Variants in LRRC20 observed in about 807,000 individuals in gnomAD.
LRRC20 encodes the protein leucine-rich repeat-containing protein 20.
In LRRC20, 11 loss-of-function variants were observed where a neutral mutation model predicts 14.4. The observed-to-expected ratio is 0.77, with a 90% CI of 0.48 to 1.27. The LOEUF (loss-of-function observed/expected upper bound fraction) is 1.27. Among genes scored for constraint, LRRC20 ranks in the 50% most tolerant of loss-of-function variants. The probability of loss-of-function intolerance (pLI) is 0.00; values close to 1 mark genes in which losing one functional copy is unlikely to be tolerated. For missense variants in LRRC20, 219 were observed against 251.2 expected (o/e 0.87, Z 0.87); for synonymous variants, 121 against 107.3 (o/e 1.13, Z -0.79).
At chr10:70,331,505 T>G (rs1045324871) in intron 3 of LRRC20, among the ~76,000 whole-genome samples, 4 of 152,246 alleles carry the variant, frequency 2.6e-5, no homozygotes, top group African/African-American at 9.6e-5. Flanking sequence ...GTGTTGGGCT[T>G]CCAGCCCAAC....
chr10:70,304,995 ACCAACACAGTGAAACCCT>A (rs1469679368), intron 4 of LRRC20, among the ~76,000 whole-genome samples: 1 of 152,076 alleles, frequency 6.6e-6, no homozygotes, highest in African/African-American at 2.4e-5. Context: ...GACCAGCCTG[ACCAACACAGTGAAACCCT>A]GTCTCTACTA....
intron 2 of LRRC20, among the ~76,000 whole-genome samples, chr10:70,342,381 T>C (rs1030385861): frequency 2.6e-5 from 4 of 152,114 alleles, no homozygotes; most frequent in Non-Finnish European, 4.4e-5. Flanking sequence ...AACCACTGAA[T>C]TGTACACTTT....
intron 2 of LRRC20, among the ~76,000 whole-genome samples, chr10:70,342,977 A>G (rs955812760): frequency 3.9e-5 from 6 of 152,228 alleles, no homozygotes; most frequent in Admixed American, 1.3e-4. Context: ...GTGAAACTCA[A>G]TATTTCTATA....
At chr10:70,341,338 A>G (rs1455915535) in intron 2 of LRRC20, among the ~76,000 whole-genome samples, 1 of 152,218 alleles carries the variant, frequency 6.6e-6, no homozygotes, top group Non-Finnish European at 1.5e-5. Flanking sequence ...AACACATTAC[A>G]TGTGGATGTT....
chr10:70,326,652 C>A (rs1034349893), intron 3 of LRRC20, among the ~76,000 whole-genome samples: 1 of 152,172 alleles, frequency 6.6e-6, no homozygotes, highest in Non-Finnish European at 1.5e-5. Context: ...CCTTAAACCA[C>A]AGAACGCTGC....
At chr10:70,352,013 T>C (rs571090176) in intron 2 of LRRC20, among the ~76,000 whole-genome samples, 3 of 152,314 alleles carry the variant, frequency 2.0e-5, no homozygotes, top group Admixed American at 2.0e-4. Flanking sequence ...AAGTTAGTTA[T>C]ATTATAGGGT....
intron 2 of LRRC20, among the ~76,000 whole-genome samples, chr10:70,361,837 T>A (rs1843733294): frequency 6.6e-6 from 1 of 151,508 alleles, no homozygotes; most frequent in Admixed American, 6.6e-5. Flanking sequence ...ACGACAAAAA[T>A]AAGCACCTTA....
At position 70,367,752 on chromosome 10, in the gene LRRC20, T is replaced by C. The variant is rs142426938; in HGVS notation, c.82+8700A>G. ...GGTGATAAAAAGGTTCTGAGTCTTG[T>C]TGTGGTTGGTTATAAAAACATATGT... is the stretch of plus-strand genomic sequence containing the variant. On this transcript the variant is annotated intron_variant, in intron 2 of 4. Transcript: ENST00000446961. 9.6e-4 allele frequency among the ~76,000 whole-genome samples: 146 copies of C among 152,080 alleles called. 1 individual carries two copies. Among genetic ancestry groups the C allele is most frequent in the African/African-American group, 3.2e-3 (134 of 41,492 alleles).
intron 1 of LRRC20, among the ~76,000 whole-genome samples, chr10:70,381,001 G>GGA (rs1034269145): frequency 1.4e-4 from 21 of 152,168 alleles, no homozygotes; most frequent in Admixed American, 8.5e-4. Flanking sequence ...AAGAGATTCA[G>GGA]GAGAGAGAGA....
chr10:70,356,832 C>T (rs1347943798), intron 2 of LRRC20, among the ~76,000 whole-genome samples: 1 of 151,962 alleles, frequency 6.6e-6, no homozygotes, highest in African/African-American at 2.4e-5. Context: ...GCCTGGGCAA[C>T]AGAATGAGAC....
chr10:70,325,449 G>A (rs1410860993), intron 3 of LRRC20, among the ~76,000 whole-genome samples: 1 of 152,160 alleles, frequency 6.6e-6, no homozygotes, highest in Non-Finnish European at 1.5e-5. Context: ...TCAGGCTTGT[G>A]TTCCATGTGT....
chr10:70,301,289 C>T lies in LRRC20; in HGVS notation c.*65G>A. The stretch of plus-strand genomic sequence containing the variant: ...CCAGGCTTGGCCTCCCATGGGCCTC[C>T]CTCCCTTCCAGGGTTCCAGGCCTGT... On this transcript the variant is annotated 3_prime_UTR_variant, in exon 5 of 5. Coordinates refer to ENST00000446961, the MANE Select transcript of LRRC20 (RefSeq NM_001278212.2). 1 of 1,549,712 alleles carries T rather than the reference C, an allele frequency of 6.5e-7. No individual in the cohort carries two copies. The highest frequency in any genetic ancestry group is 8.7e-7 in the Non-Finnish European group (1 of 1,149,958).
intron 4 of LRRC20, among the ~76,000 whole-genome samples, chr10:70,317,035 G>A (rs769632305): frequency 4.6e-5 from 7 of 152,246 alleles, no homozygotes; most frequent in Non-Finnish European, 8.8e-5. Flanking sequence ...TGCTCAGGGG[G>A]CAATCCGAAC....
chr10:70,306,168 T>C (rs1841419045), intron 4 of LRRC20, among the ~76,000 whole-genome samples: 1 of 151,918 alleles, frequency 6.6e-6, no homozygotes, highest in South Asian at 2.1e-4. Context: ...TCTGAATCAT[T>C]TGAGTGTACC....
chr10:70,357,237 G>A (rs999987448), intron 2 of LRRC20, among the ~76,000 whole-genome samples: 1 of 152,210 alleles, frequency 6.6e-6, no homozygotes, highest in Non-Finnish European at 1.5e-5. Flanking sequence ...GCATGGTACA[G>A]GGTTTCTTTT....
chr10:70,310,894 A>G (rs1429330294), intron 4 of LRRC20, among the ~76,000 whole-genome samples: 1 of 152,236 alleles, frequency 6.6e-6, no homozygotes, highest in Non-Finnish European at 1.5e-5. Context: ...TAGTAATCTA[A>G]TTTAGAAAAT....
intron 1 of LRRC20, among the ~76,000 whole-genome samples, chr10:70,378,272 G>A (rs533040092): frequency 6.6e-6 from 1 of 152,260 alleles, no homozygotes; most frequent in East Asian, 1.9e-4. Context: ...TTGCCTCAGT[G>A]TTCTCTCCTT....
At chr10:70,324,195 G>C (rs745899462) in intron 3 of LRRC20, among the ~76,000 whole-genome samples, 165 bp from the exon 4 acceptor site, 29 of 152,162 alleles carry the variant, frequency 1.9e-4, no homozygotes, top group Admixed American at 4.6e-4. Context: ...GTTTATTTGT[G>C]CTAGAGGAGG....
chr10:70,323,990 G>C lies in LRRC20; in HGVS notation c.273C>G (p.Ser91Arg). 1 of 1,613,700 alleles carries C rather than the reference G, an allele frequency of 6.2e-7. No individual in the cohort carries two copies. Among genetic ancestry groups the C allele is most frequent in the African/African-American group, 1.3e-5 (1 of 75,068 alleles). Residue 91 changes from serine (S) to arginine (R), a missense_variant, in exon 4 of 5, where the codon AGC becomes AGG. Transcript: ENST00000446961. ...LEGNFLHRLP[S>R]EVSALQHLKA... ...TGAGGTGCTGCAGGGCACTGACCTCGCTGGGGAGGCGGTGTAGGAAGTTCC... is the reference window on the plus strand; with the variant it reads ...TGAGGTGCTGCAGGGCACTGACCTCCCTGGGGAGGCGGTGTAGGAAGTTCC...
Sources: gnomAD v4.1 joint callset for allele counts (sites outside exome capture counted in the v4.1 genomes callset) on GRCh38, gnomAD v4.1.1 for gene constraint, MANE v1.5 for transcripts, NCBI Gene and HGNC (gene_info 2026-07-23, HGNC 2026-07-21) for gene names.